The following TTC29 variants were observed in gnomAD, a reference collection of about 807,000 sequenced individuals.
The protein encoded by TTC29 is tetratricopeptide repeat domain 29.
Under a neutral mutation model 58.1 loss-of-function variants are expected in TTC29, and 49 were observed. The ratio of observed to expected loss-of-function variants is 0.84; its 90% CI spans 0.67 to 1.07. The LOEUF is 1.07. TTC29 is among the 50% of genes least tolerant of loss of function. TTC29 has a pLI of 0.00. For missense variants in TTC29, 582 were observed against 555.6 expected, an observed-to-expected ratio of 1.05 and a Z score of -0.48; for synonymous variants, 209 against 196.8, an observed-to-expected ratio of 1.06 and a Z score of -0.52.
At chr4:146,748,907 A>C (rs1459197475) in intron 11 of TTC29, among the ~76,000 whole-genome samples, 1 of 152,244 alleles carries the variant, frequency 6.6e-6, no homozygotes, top group Non-Finnish European at 1.5e-5. Context: ...ATAGAAATCT[A>C]TGAATTACCT....
intron 11 of TTC29, among the ~76,000 whole-genome samples, chr4:146,782,414 G>C (rs1748688547): frequency 6.6e-6 from 1 of 151,762 alleles, no homozygotes; most frequent in African/African-American, 2.4e-5. Context: ...AAGAATAAAA[G>C]GAAATTGAAT....
intron 11 of TTC29, among the ~76,000 whole-genome samples, chr4:146,795,233 A>G (rs1202352953): frequency 6.6e-6 from 1 of 152,156 alleles, no homozygotes; most frequent in Non-Finnish European, 1.5e-5. Context: ...GTAAGAAAGT[A>G]AATGTGTGCA....
chr4:146,737,601 G>GGGC (rs1554007379), intron 11 of TTC29, among the ~76,000 whole-genome samples: 27 of 147,854 alleles, frequency 1.8e-4, no homozygotes, highest in Non-Finnish European at 2.7e-4. Context: ...GGGGGGGGGG[G>GGGC]GGCTACAAAC....
chr4:146,824,873 T>C (rs1475507465), intron 9 of TTC29, among the ~76,000 whole-genome samples: 1 of 152,210 alleles, frequency 6.6e-6, no homozygotes, highest in Non-Finnish European at 1.5e-5. Context: ...TTCTAGATTT[T>C]CTAGTTTATT....
At chr4:146,723,512 T>C in intron 11 of TTC29, among the ~76,000 whole-genome samples, 1 of 152,274 alleles carries the variant, frequency 6.6e-6, no homozygotes, top group Non-Finnish European at 1.5e-5. Flanking sequence ...ACCCAGAATC[T>C]ATAAGGAACT....
chr4:146,843,294 T>C (rs894500676), intron 8 of TTC29, among the ~76,000 whole-genome samples: 22 of 152,318 alleles, frequency 1.4e-4, no homozygotes, highest in Non-Finnish European at 2.6e-4. Context: ...CTGAGGACAA[T>C]TAGGGATGTC....
chr4:146,806,802 C>A (rs1750651998), intron 10 of TTC29, among the ~76,000 whole-genome samples: 1 of 151,996 alleles, frequency 6.6e-6, no homozygotes, highest in East Asian at 1.9e-4. Context: ...GAATTTAACA[C>A]CCCACTGTCA....
intron 9 of TTC29, among the ~76,000 whole-genome samples, chr4:146,826,109 A>C (rs1022708222): frequency 6.6e-6 from 1 of 152,076 alleles, no homozygotes; most frequent in African/African-American, 2.4e-5. Flanking sequence ...GCCCACTTAC[A>C]TTTAAGGTTA....
intron 9 of TTC29, among the ~76,000 whole-genome samples, chr4:146,820,801 G>C (rs1751761142): frequency 6.6e-6 from 1 of 152,174 alleles, no homozygotes; most frequent in South Asian, 2.1e-4. Flanking sequence ...GGGAGGCCCA[G>C]GTGGGCGGAT....
rs570947212 is a variant in TTC29 at position 146,743,850 on chromosome 4, T to C, written c.1331-36299A>G. The stretch of plus-strand genomic sequence containing the variant: ...GAACCCTTTACATCTGGGGTTGACC[T>C]CAGGAAGATATTTACAAATTGGAGC... On this transcript the variant is annotated intron_variant, in intron 11 of 12. Transcript: ENST00000325106. Among the ~76,000 whole-genome samples, 13 of 152,354 alleles carry C rather than the reference T, an allele frequency of 8.5e-5. No individual in the cohort carries two copies. In the East Asian group the frequency reaches 1.4e-3, roughly 16 times the overall value.
intron 10 of TTC29, among the ~76,000 whole-genome samples, chr4:146,804,278 T>G (rs1379481665): frequency 6.6e-6 from 1 of 152,086 alleles, no homozygotes; most frequent in South Asian, 2.1e-4. Context: ...CTCTGGTGCC[T>G]ATGGGTTTTG....
chr4:146,877,424 G>A (rs1731339183), intron 6 of TTC29, among the ~76,000 whole-genome samples: 1 of 152,126 alleles, frequency 6.6e-6, no homozygotes, highest in South Asian at 2.1e-4. Flanking sequence ...CAAGGTTGAA[G>A]TTCATGGCTC....
At chr4:146,734,542 C>A (rs1190774534) in intron 11 of TTC29, among the ~76,000 whole-genome samples, 2 of 152,048 alleles carry the variant, frequency 1.3e-5, no homozygotes, top group Non-Finnish European at 2.9e-5. Flanking sequence ...CCAGGACTTG[C>A]GACAGGTGTC....
chr4:146,708,308 TTATATATATATATATATA>T lies in TTC29; in HGVS notation c.1331-775_1331-758del, dbSNP rs59963230. On this transcript the variant is annotated intron_variant, in intron 11 of 12. Coordinates refer to ENST00000325106, the MANE Select transcript of TTC29 (RefSeq NM_031956.4). The stretch of plus-strand genomic sequence containing the variant: ...AATAATGAAGTCAAATATGGGAAGT[TTATATATATATATATATA>T]TATATATATATATATATATATATAT... Among the ~76,000 whole-genome samples, 279 of 62,188 alleles carry T rather than the reference TTATATATATATATATATA, an allele frequency of 4.5e-3. 11 individuals are homozygous for T. The highest frequency in any genetic ancestry group is 3.8e-3 in the Admixed American group (17 of 4,508). 40.8% of individuals were successfully genotyped at this position (62,188 alleles called of 152,430 possible).
intron 11 of TTC29, among the ~76,000 whole-genome samples, chr4:146,749,133 C>T (rs1421974109): frequency 6.8e-6 from 1 of 147,916 alleles, no homozygotes; most frequent in Non-Finnish European, 1.5e-5. Flanking sequence ...GTACTGACAA[C>T]ATAGTGAGAC....
At chr4:146,797,947 C>T (rs1400985061) in intron 11 of TTC29, among the ~76,000 whole-genome samples, 1 of 150,782 alleles carries the variant, frequency 6.6e-6, no homozygotes, top group Non-Finnish European at 1.5e-5. Context: ...AGTTCTCTGA[C>T]ATTCTCTGTT....
Position 146,893,816 on chromosome 4 carries a change from G to T in TTC29, c.586+9728C>A, listed in dbSNP as rs1451218271. ...AAGGGCTAATATCCAGAATCTACAA[G>T]GAACTCCAACAAATTTACAAGAAAA... is the stretch of plus-strand genomic sequence containing the variant. On this transcript the variant is annotated intron_variant, in intron 6 of 12. Coordinates refer to ENST00000325106, the MANE Select transcript of TTC29 (RefSeq NM_031956.4). Among the ~76,000 whole-genome samples the T allele has an allele frequency of 4.6e-5, 7 of 152,072 alleles. No individual in the cohort carries two copies. The East Asian group carries it at 7.7e-4, about 17-fold the overall frequency.
chr4:146,772,544 C>T (rs912808961), intron 11 of TTC29, among the ~76,000 whole-genome samples: 2 of 151,880 alleles, frequency 1.3e-5, no homozygotes, highest in African/African-American at 4.8e-5. Context: ...GGTGCGCAGC[C>T]TTATTTCTGG....
At chr4:146,803,712 T>C in intron 10 of TTC29, 27 bp from the exon 11 acceptor site, 1 of 1,501,584 alleles carries the variant, frequency 6.7e-7, no homozygotes, top group Non-Finnish European at 8.9e-7. Flanking sequence ...AATAATTTTC[T>C]TTCTTACTTT....
Sources: gnomAD v4.1 joint callset for allele counts (sites outside exome capture counted in the v4.1 genomes callset) on GRCh38, gnomAD v4.1.1 for gene constraint, MANE v1.5 for transcripts, NCBI Gene and HGNC (gene_info 2026-07-23, HGNC 2026-07-21) for gene names.